MITF: variants seen among roughly 807,000 people sequenced by gnomAD.
The protein encoded by MITF is melanocyte inducing transcription factor.
In MITF, 17 loss-of-function variants were observed where a neutral mutation model predicts 60.5. The observed-to-expected ratio is 0.28, with a 90% CI of 0.19 to 0.42. The LOEUF (loss-of-function observed/expected upper bound fraction) is 0.42. Among genes scored for constraint, MITF ranks in the 10% least tolerant of loss-of-function variants. The pLI is 1.00. For synonymous variants in MITF, 260 were observed against 248.5 expected (o/e 1.05, Z -0.43); for missense variants, 622 against 683.5 (o/e 0.91, Z 1.00).
intron 2 of MITF, chr3:69,936,583 A>G: frequency 1.3e-6 from 2 of 1,518,136 alleles, no homozygotes; most frequent in Non-Finnish European, 1.8e-6. Context: ...CTTCTGTGAT[A>G]AAGTTTCCGG....
intron 1 of MITF, among the ~76,000 whole-genome samples, chr3:69,814,781 T>A (rs1186718611): frequency 6.6e-6 from 1 of 152,086 alleles, no homozygotes; most frequent in African/African-American, 2.4e-5. Flanking sequence ...AGGTGTCCCC[T>A]CCCAGTGGAG....
intron 1 of MITF, among the ~76,000 whole-genome samples, chr3:69,760,258 G>A (rs72950033): frequency 0.012 from 1,838 of 152,242 alleles, 35 homozygotes; most frequent in African/African-American, 0.042. Context: ...AGAGATTATG[G>A]ACCATTGCTG....
intron 1 of MITF, among the ~76,000 whole-genome samples, chr3:69,800,818 A>G (rs2062907809): frequency 6.6e-6 from 1 of 152,184 alleles, no homozygotes; most frequent in Non-Finnish European, 1.5e-5. Flanking sequence ...CAGGGGAAAT[A>G]TAAAATAGAA....
intron 1 of MITF, among the ~76,000 whole-genome samples, chr3:69,864,382 T>C (rs1174867551): frequency 6.6e-6 from 1 of 152,224 alleles, no homozygotes; most frequent in Non-Finnish European, 1.5e-5. Context: ...CCTGGTACAG[T>C]ACCTGGCATG....
chr3:69,827,020 T>C (rs758997730), intron 1 of MITF, among the ~76,000 whole-genome samples: 3 of 152,220 alleles, frequency 2.0e-5, no homozygotes, highest in Non-Finnish European at 4.4e-5. Context: ...ACATTATTCA[T>C]TCCTGAGTTT....
chr3:69,758,047 A>T (rs1265826885), intron 1 of MITF, among the ~76,000 whole-genome samples: 1 of 144,550 alleles, frequency 6.9e-6, no homozygotes. Context: ...GTGTGTCTAT[A>T]TATATAATAC....
At chr3:69,865,295 G>A (rs937265062) in intron 1 of MITF, among the ~76,000 whole-genome samples, 1 of 152,222 alleles carries the variant, frequency 6.6e-6, no homozygotes, top group African/African-American at 2.4e-5. Context: ...GCACAGAGAG[G>A]TGAAGTAACT....
chr3:69,869,491 A>G (rs1222367985), intron 1 of MITF, among the ~76,000 whole-genome samples: 1 of 152,140 alleles, frequency 6.6e-6, no homozygotes, highest in Non-Finnish European at 1.5e-5. Context: ...ATTCAAGATC[A>G]CCTGTTTGTT....
At chr3:69,785,449 A>C (rs2062632781) in intron 1 of MITF, among the ~76,000 whole-genome samples, 1 of 152,222 alleles carries the variant, frequency 6.6e-6, no homozygotes, top group South Asian at 2.1e-4. Context: ...TCTGCAGGTC[A>C]CATGACCAGT....
chr3:69,934,536 A>C (rs79725452), intron 2 of MITF, among the ~76,000 whole-genome samples: 1 of 152,220 alleles, frequency 6.6e-6, no homozygotes, highest in South Asian at 2.1e-4. Context: ...CAGAAAACAC[A>C]CATATGAGGC....
intron 1 of MITF, among the ~76,000 whole-genome samples, chr3:69,831,163 TGTAA>T (rs2063440898): frequency 1.3e-5 from 2 of 152,180 alleles, no homozygotes; most frequent in Admixed American, 6.5e-5. Context: ...CTGTTGAAGA[TGTAA>T]GTATCTTAAG....
At chr3:69,889,485 A>T (rs2064708290) in intron 2 of MITF, among the ~76,000 whole-genome samples, 1 of 150,796 alleles carries the variant, frequency 6.6e-6, no homozygotes, top group Non-Finnish European at 1.5e-5. Flanking sequence ...CACTAAAAAT[A>T]GTAAAAAAAA....
At chr3:69,817,932 A>G (rs1277253990) in intron 1 of MITF, among the ~76,000 whole-genome samples, 2 of 152,196 alleles carry the variant, frequency 1.3e-5, no homozygotes, top group African/African-American at 2.4e-5. Context: ...CAACCTCAGA[A>G]TGTAAAGTTA....
At position 69,851,362 on chromosome 3, in the gene MITF, G is replaced by A. The variant is rs1369125249; in HGVS notation, c.105-27772G>A. On this transcript the variant is annotated intron_variant, in intron 1 of 9. Coordinates refer to ENST00000352241, the MANE Select transcript of MITF (RefSeq NM_001354604.2). ...TCTTTTTTTGGTATATCTTAAAAATGGATAGCACCTTTTATTCATAATTAC... is the reference window on the plus strand; with the variant it reads ...TCTTTTTTTGGTATATCTTAAAAATAGATAGCACCTTTTATTCATAATTAC... Among the ~76,000 whole-genome samples the A allele has an allele frequency of 2.0e-5, 3 of 152,176 alleles. No individual in the cohort carries two copies. The East Asian group carries it at 5.8e-4, about 29-fold the overall frequency.
intron 1 of MITF, among the ~76,000 whole-genome samples, chr3:69,852,882 G>A (rs2063849317): frequency 6.6e-6 from 1 of 152,104 alleles, no homozygotes; most frequent in Non-Finnish European, 1.5e-5. Flanking sequence ...TAGGGATGGT[G>A]AGTGCATGAA....
rs181521379 is a variant in MITF at position 69,867,570 on chromosome 3, A to G, written c.105-11564A>G. On this transcript the variant is annotated intron_variant, in intron 1 of 9. Transcript: ENST00000352241. ...TTAGAGCATTTTCTAAACAAAGTAT[A>G]TATAATTATGTGTTTAAAATGTCAC... 3.1e-3 allele frequency among the ~76,000 whole-genome samples: 478 copies of G among 152,280 alleles called. 9 individuals carry two copies. Among genetic ancestry groups the G allele is most frequent in the Admixed American group, 0.029 (441 of 15,300 alleles).
intron 1 of MITF, among the ~76,000 whole-genome samples, chr3:69,848,484 T>C (rs2063768882): frequency 6.6e-6 from 1 of 152,164 alleles, no homozygotes; most frequent in Non-Finnish European, 1.5e-5. Flanking sequence ...CATGGATGGA[T>C]TCCAGTATGA....
At chr3:69,813,547 C>A (rs894945747) in intron 1 of MITF, among the ~76,000 whole-genome samples, 10 of 152,086 alleles carry the variant, frequency 6.6e-5, no homozygotes, top group African/African-American at 2.2e-4. Flanking sequence ...AAAGGAAGAT[C>A]ACTGCTACTT....
intron 2 of MITF, among the ~76,000 whole-genome samples, chr3:69,892,488 C>T (rs1328562353): frequency 1.3e-5 from 2 of 152,136 alleles, no homozygotes; most frequent in African/African-American, 2.4e-5. Context: ...TGGTTTTGTG[C>T]ATTCCATGAA....
Sources: allele counts gnomAD v4.1 joint callset (sites outside exome capture counted in the v4.1 genomes callset), GRCh38; gene constraint gnomAD v4.1.1; transcripts MANE v1.5; gene names NCBI Gene and HGNC (gene_info 2026-07-23, HGNC 2026-07-21).